SPATA17: variants seen among roughly 807,000 people sequenced by gnomAD.
SPATA17 encodes the protein spermatogenesis-associated protein 17.
SPATA17 carries 53 observed loss-of-function variants against 62.2 expected under a neutral mutation model. That is an observed-to-expected ratio of 0.85 (90% CI 0.68 to 1.07). The LOEUF is 1.07. Among genes scored for constraint, SPATA17 ranks in the 50% least tolerant of loss-of-function variants. SPATA17 has a pLI of 0.00. For synonymous variants in SPATA17, 146 were observed against 146.8 expected, an observed-to-expected ratio of 0.99 and a Z score of 0.04; for missense variants, 466 against 425.5, an observed-to-expected ratio of 1.10 and a Z score of -0.84.
chr1:217,708,403 A>C (rs1227025437), intron 5 of SPATA17, among the ~76,000 whole-genome samples: 1 of 152,106 alleles, frequency 6.6e-6, no homozygotes, highest in East Asian at 1.9e-4. Context: ...AATACAGAAA[A>C]CCCAGAGACT....
chr1:217,698,321 C>A (rs1671509405), intron 5 of SPATA17, among the ~76,000 whole-genome samples: 1 of 152,030 alleles, frequency 6.6e-6, no homozygotes, highest in Non-Finnish European at 1.5e-5. Context: ...GTAATCCCAG[C>A]TGCTCGGGAG....
At chr1:217,787,826 TATA>T (rs1673906172) in intron 8 of SPATA17, among the ~76,000 whole-genome samples, 1 of 152,182 alleles carries the variant, frequency 6.6e-6, no homozygotes, top group African/African-American at 2.4e-5. Context: ...CATGTGCAAT[TATA>T]TGTATATTTA....
intron 3 of SPATA17, among the ~76,000 whole-genome samples, chr1:217,660,764 C>T (rs1670549016): frequency 2.6e-5 from 4 of 152,180 alleles, no homozygotes; most frequent in Non-Finnish European, 5.9e-5. Context: ...GGAACCTTAG[C>T]TCACATGTAG....
intron 7 of SPATA17, among the ~76,000 whole-genome samples, chr1:217,777,852 A>C (rs1558046862): frequency 6.6e-6 from 1 of 152,024 alleles, no homozygotes; most frequent in Non-Finnish European, 1.5e-5. Context: ...TTTTAGGGGG[A>C]TATGTCTTCA....
At chr1:217,790,541 C>T (rs1427960257) in intron 8 of SPATA17, among the ~76,000 whole-genome samples, 2 of 152,004 alleles carry the variant, frequency 1.3e-5, no homozygotes, top group Non-Finnish European at 2.9e-5. Context: ...CCCGGGTTCA[C>T]GCCATTCTCC....
intron 1 of SPATA17, among the ~76,000 whole-genome samples, chr1:217,632,802 A>G (rs1194234044): frequency 6.6e-6 from 1 of 152,220 alleles, no homozygotes; most frequent in East Asian, 1.9e-4. Flanking sequence ...CTATTTATTT[A>G]GAGTATGTGG....
chr1:217,790,738 C>T lies in SPATA17; in HGVS notation c.872+8416C>T, dbSNP rs73097260. Among the ~76,000 whole-genome samples, 1,087 of 152,276 alleles carry T rather than the reference C, an allele frequency of 7.1e-3. 12 individuals carry two copies. The highest frequency in any genetic ancestry group is 0.025 in the African/African-American group (1,035 of 41,562). On this transcript the variant is annotated intron_variant, in intron 8 of 10. Transcript: ENST00000366933. The stretch of plus-strand genomic sequence containing the variant: ...CCACCGCGCCCGGCCAAATTACTCA[C>T]TTTTAAAACTTTAAATATAATTTCT...
At chr1:217,754,013 A>T (rs544741066) in intron 6 of SPATA17, among the ~76,000 whole-genome samples, 18 of 152,246 alleles carry the variant, frequency 1.2e-4, no homozygotes, top group Middle Eastern at 3.4e-3. Flanking sequence ...AGGCAGGCAG[A>T]TCACTTAAGA....
intron 9 of SPATA17, among the ~76,000 whole-genome samples, chr1:217,819,204 T>G (rs184773383): frequency 2.0e-5 from 3 of 152,076 alleles, no homozygotes; most frequent in Admixed American, 1.3e-4. Flanking sequence ...CAGTGACTTT[T>G]TAATGAGGTT....
chr1:217,715,818 C>T (rs1457441516), intron 5 of SPATA17, among the ~76,000 whole-genome samples: 2 of 152,082 alleles, frequency 1.3e-5, no homozygotes, highest in Non-Finnish European at 2.9e-5. Flanking sequence ...TGTTTGTTCC[C>T]AGTGATGATC....
intron 4 of SPATA17, among the ~76,000 whole-genome samples, chr1:217,670,959 A>G (rs981404346): frequency 6.6e-6 from 1 of 151,344 alleles, no homozygotes; most frequent in Non-Finnish European, 1.5e-5. Flanking sequence ...TCAGGAAAAA[A>G]AAAAAAAAAA....
chr1:217,802,486 T>C (rs1674337500), intron 9 of SPATA17, among the ~76,000 whole-genome samples: 1 of 152,126 alleles, frequency 6.6e-6, no homozygotes, highest in African/African-American at 2.4e-5. Flanking sequence ...AAGTCTGAGA[T>C]TCCTGCCAAC....
intron 5 of SPATA17, among the ~76,000 whole-genome samples, chr1:217,702,297 T>C (rs570112694): frequency 6.6e-6 from 1 of 152,308 alleles, no homozygotes; most frequent in South Asian, 2.1e-4. Flanking sequence ...TCACCACTAA[T>C]GTCTAAGCTT....
chr1:217,816,125 T>A (rs1674709776), intron 9 of SPATA17, among the ~76,000 whole-genome samples: 1 of 152,090 alleles, frequency 6.6e-6, no homozygotes, highest in Admixed American at 6.6e-5. Context: ...TTTTATTTGC[T>A]ACTGAAAAAA....
intron 9 of SPATA17, among the ~76,000 whole-genome samples, chr1:217,857,107 C>T (rs916214722): frequency 6.6e-6 from 1 of 152,050 alleles, no homozygotes; most frequent in African/African-American, 2.4e-5. Context: ...TGTGCATAAC[C>T]CTTGATTTTC....
Position 217,749,985 on chromosome 1 carries a change from C to CTATATATA in SPATA17, c.519+7907_519+7914dup, listed in dbSNP as rs57489651. Among the ~76,000 whole-genome samples, 111 of 12,284 alleles carry CTATATATA rather than the reference C, an allele frequency of 9.0e-3. 17 individuals are homozygous for CTATATATA. Among genetic ancestry groups the CTATATATA allele is most frequent in the Admixed American group, 0.016 (16 of 1,022 alleles). 8.1% of individuals were successfully genotyped at this position (12,284 alleles called of 152,430 possible). A position where few individuals can be genotyped will look rare whatever the true frequency, so the allele number is the denominator to read the frequency against. On this transcript the variant is annotated intron_variant, in intron 6 of 10. Transcript: ENST00000366933. ...TCTCTCTCTCTCTCTCTCTCTCTCT[C>CTATATATA]TATATATATATATATATATATATAT...
intron 7 of SPATA17, among the ~76,000 whole-genome samples, chr1:217,780,039 A>T (rs893365624): frequency 6.6e-6 from 1 of 152,122 alleles, no homozygotes; most frequent in African/African-American, 2.4e-5. Flanking sequence ...TAGGTATTCT[A>T]GGGATTAATT....
chr1:217,779,727 A>T (rs1673689000), intron 7 of SPATA17, among the ~76,000 whole-genome samples: 2 of 152,074 alleles, frequency 1.3e-5, no homozygotes, highest in South Asian at 4.1e-4. Flanking sequence ...ATAATAAAAA[A>T]GTATATACCT....
At chr1:217,681,219 C>G (rs539112239) in intron 4 of SPATA17, among the ~76,000 whole-genome samples, 1 of 150,882 alleles carries the variant, frequency 6.6e-6, no homozygotes, top group South Asian at 2.1e-4. Flanking sequence ...GAGCGAGACT[C>G]TGTCTCAAAA....
Sources: allele counts gnomAD v4.1 joint callset (sites outside exome capture counted in the v4.1 genomes callset), GRCh38; gene constraint gnomAD v4.1.1; transcripts MANE v1.5; gene names NCBI Gene and HGNC (gene_info 2026-07-23, HGNC 2026-07-21).